The following ZNF529 variants were observed in gnomAD, a reference collection of about 807,000 sequenced individuals.
ZNF529 encodes the protein zinc finger protein 529.
Under a neutral mutation model 10.1 loss-of-function variants are expected in ZNF529, and 11 were observed. That is an observed-to-expected ratio of 1.09 (90% confidence interval 0.69 to 1.81). The LOEUF (loss-of-function observed/expected upper bound fraction) is 1.81. Among genes scored for constraint, ZNF529 ranks in the 40% most tolerant of loss-of-function variants. ZNF529 has a pLI of 0.00. For missense variants in ZNF529, 624 were observed against 666.8 expected (o/e 0.94, Z 0.71); for synonymous variants, 204 against 215.7 (o/e 0.95, Z 0.47).
chr19:36,586,962 G>A (rs2036592174), intron 2 of ZNF529, among the ~76,000 whole-genome samples: 1 of 152,102 alleles, frequency 6.6e-6, no homozygotes, highest in South Asian at 2.1e-4. Flanking sequence ...CAGCATAAAG[G>A]TATAATAAAA....
chr19:36,559,404 G>A (rs1568587451), intron 2 of ZNF529, among the ~76,000 whole-genome samples: 1 of 152,208 alleles, frequency 6.6e-6, no homozygotes, highest in Non-Finnish European at 1.5e-5. Context: ...CACCTCCCGG[G>A]TTCAAGCAAT....
At chr19:36,601,735 T>C (rs2036926580) in intron 1 of ZNF529, among the ~76,000 whole-genome samples, 1 of 152,076 alleles carries the variant, frequency 6.6e-6, no homozygotes, top group Non-Finnish European at 1.5e-5. Context: ...CAGAAAGATA[T>C]TGAGTATATT....
intron 2 of ZNF529, among the ~76,000 whole-genome samples, chr19:36,563,445 T>C (rs1345067107): frequency 6.7e-6 from 1 of 149,492 alleles, no homozygotes; most frequent in Non-Finnish European, 1.5e-5. Context: ...AAGTTGTCTA[T>C]GGGTGACTCA....
Position 36,546,956 on chromosome 19 carries a change from A to G in ZNF529, c.1602T>C (p.Tyr534=). The G allele has an allele frequency of 6.2e-7, 1 of 1,613,932 alleles. No individual in the cohort carries two copies. The highest frequency in any genetic ancestry group is 8.5e-7 in the Non-Finnish European group (1 of 1,179,840). Residue 534 remains tyrosine (Y), a synonymous_variant, in exon 5 of 5, where the codon TAT becomes TAC. Coordinates refer to ENST00000591340, the MANE Select transcript of ZNF529 (RefSeq NM_020951.5). ...AGGAATTCCCACACTCCTTACATTC[A>G]TAGGGTTTATCATCAGTATGAATGC... is the stretch of plus-strand genomic sequence containing the variant. ...HQRIHTDDKP[Y]ECKECGNSFS...
At chr19:36,599,836 A>ATGT (rs929315916) in intron 1 of ZNF529, among the ~76,000 whole-genome samples, 5 of 152,050 alleles carry the variant, frequency 3.3e-5, no homozygotes, top group Non-Finnish European at 7.4e-5. Context: ...ACTGACCAAA[A>ATGT]TAAACAAGCC....
chr19:36,548,092 C>G lies in ZNF529; in HGVS notation c.466G>C (p.Glu156Gln), dbSNP rs1294805517. The G allele has an allele frequency of 3.1e-6, 5 of 1,613,744 alleles. No homozygotes were observed. The highest frequency in any genetic ancestry group is 4.2e-6 in the Non-Finnish European group (5 of 1,179,866). The change falls in exon 5 of 5, where the codon GAA (glutamate) becomes CAA (glutamine). Residue 156 changes from glutamate to glutamine, a missense_variant. Coordinates refer to ENST00000591340, the MANE Select transcript of ZNF529 (RefSeq NM_020951.5). Reference protein sequence around the residue: ...SENVPSYKTHESLTLPRRTHD... With the variant: ...SENVPSYKTHQSLTLPRRTHD... ...GTTCTCCGAGGTAAAGTAAGAGATT[C>G]ATGAGTTTTGTAACTGGGCACATTT... is the stretch of plus-strand genomic sequence containing the variant.
Position 36,547,279 on chromosome 19 carries a change from A to T in ZNF529, c.1279T>A (p.Cys427Ser), listed in dbSNP as rs750697067. 4 of 1,613,600 alleles carry T rather than the reference A, an allele frequency of 2.5e-6. No homozygotes were observed. The African/African-American group carries it at 5.3e-5, about 22-fold the overall frequency. The stretch of plus-strand genomic sequence containing the variant: ...CTACCTACTCCAAATGCTTTCTCAC[A>T]TTCTTTACATTTATAGGGTTTTTCA... The part of the protein sequence containing the change: ...TGEKPYKCKE[C>S]EKAFGVGSEL... Residue 427 changes from cysteine to serine, a missense_variant, in exon 5 of 5, where the codon TGT (cysteine) becomes AGT (serine). Coordinates refer to ENST00000591340, the MANE Select transcript of ZNF529 (RefSeq NM_020951.5).
intron 2 of ZNF529, among the ~76,000 whole-genome samples, chr19:36,558,306 A>T (rs1265151417): frequency 2.0e-5 from 3 of 152,128 alleles, no homozygotes; most frequent in African/African-American, 7.2e-5. Flanking sequence ...AAAACATTAA[A>T]CTGCACATCC....
At chr19:36,569,491 G>A (rs1422387714) in intron 2 of ZNF529, among the ~76,000 whole-genome samples, 1 of 152,058 alleles carries the variant, frequency 6.6e-6, no homozygotes, top group Admixed American at 6.6e-5. Context: ...CTGGCTGGGT[G>A]TGGTGGCTCA....
intron 2 of ZNF529, chr19:36,581,489 G>A (rs1258443516): frequency 6.6e-6 from 1 of 152,210 alleles, no homozygotes. Flanking sequence ...ATCAGTGGAT[G>A]AATGGATAAA....
At chr19:36,579,501 G>A (rs1351986824) in intron 2 of ZNF529, among the ~76,000 whole-genome samples, 1 of 152,192 alleles carries the variant, frequency 6.6e-6, no homozygotes, top group Non-Finnish European at 1.5e-5. Flanking sequence ...CAATGGGGTA[G>A]CCTACTACAT....
intron 2 of ZNF529, among the ~76,000 whole-genome samples, chr19:36,563,338 G>T (rs1051784947): frequency 6.6e-6 from 1 of 151,636 alleles, no homozygotes; most frequent in African/African-American, 2.4e-5. Context: ...CAGGAAAATC[G>T]CGTGAACCCA....
chr19:36,591,097 C>T (rs1003428524), intron 1 of ZNF529, among the ~76,000 whole-genome samples: 15 of 150,496 alleles, frequency 1.0e-4, no homozygotes, highest in Admixed American at 4.6e-4. Flanking sequence ...GTCAAGAGAT[C>T]GAGACCATCC....
chr19:36,578,059 A>ACTTT (rs2036369461), upstream of ZNF529: 2 of 89,284 alleles, frequency 2.2e-5, no homozygotes, highest in African/African-American at 9.7e-5. Context: ...TGTGGGGGAG[A>ACTTT]TTTTTTTTTT....
intron 2 of ZNF529, among the ~76,000 whole-genome samples, chr19:36,557,063 C>T (rs555341843): frequency 7.9e-5 from 12 of 152,160 alleles, no homozygotes; most frequent in Admixed American, 4.6e-4. Flanking sequence ...TCAAAAAAGC[C>T]CCAGTTTGAT....
At chr19:36,580,326 T>C (rs2036435442) in intron 2 of ZNF529, 1 of 148,900 alleles carries the variant, frequency 6.7e-6, no homozygotes, top group South Asian at 2.1e-4. Context: ...TACAATAAAT[T>C]ACATAAACTA....
intron 1 of ZNF529, among the ~76,000 whole-genome samples, chr19:36,592,915 G>C (rs1219808124): frequency 6.6e-6 from 1 of 152,100 alleles, no homozygotes; most frequent in Admixed American, 6.6e-5. Flanking sequence ...CCTTCATGAT[G>C]AAAACTCTCA....
chr19:36,561,159 A>G (rs1308862758), intron 2 of ZNF529, among the ~76,000 whole-genome samples: 1 of 152,098 alleles, frequency 6.6e-6, no homozygotes, highest in Non-Finnish European at 1.5e-5. Flanking sequence ...TAGAACACTC[A>G]TGGAACTTTG....
chr19:36,578,647 TGCCCAC>T, intron 2 of ZNF529, among the ~76,000 whole-genome samples: 1 of 151,288 alleles, frequency 6.6e-6, no homozygotes, highest in South Asian at 2.1e-4. Context: ...GTTGCTCTGT[TGCCCAC>T]GCTGGAGTAC....
Sources: gnomAD v4.1 joint callset for allele counts (sites outside exome capture counted in the v4.1 genomes callset) on GRCh38, gnomAD v4.1.1 for gene constraint, MANE v1.5 for transcripts, NCBI Gene and HGNC (gene_info 2026-07-23, HGNC 2026-07-21) for gene names.